KCTD20: variants seen among roughly 807,000 people sequenced by gnomAD.
KCTD20 encodes the protein BTB/POZ domain-containing protein KCTD20.
In KCTD20, 30 loss-of-function variants were observed where a neutral mutation model predicts 39.6. The ratio of observed to expected loss-of-function variants is 0.76; its 90% CI spans 0.57 to 1.03. KCTD20 has a LOEUF of 1.03. Among genes scored for constraint, KCTD20 ranks in the 50% least tolerant of loss-of-function variants. The probability of loss-of-function intolerance (pLI) is 0.00; values close to 1 mark genes in which losing one functional copy is unlikely to be tolerated. For synonymous variants in KCTD20, 162 were observed against 180.6 expected (o/e 0.90, Z 0.83); for missense variants, 422 against 522.0 (o/e 0.81, Z 1.87).
intron 1 of KCTD20, among the ~76,000 whole-genome samples, chr6:36,467,620 G>A (rs1031563749): frequency 6.6e-6 from 1 of 151,818 alleles, no homozygotes; most frequent in Admixed American, 6.6e-5. Context: ...ACAGGTGTGA[G>A]CCACCGTGCC....
intron 1 of KCTD20, among the ~76,000 whole-genome samples, chr6:36,458,128 C>T (rs1489211869): frequency 6.6e-6 from 1 of 152,186 alleles, no homozygotes; most frequent in East Asian, 1.9e-4. Context: ...TCATGGCTCA[C>T]TGCAGTCTCA....
chr6:36,485,920 TAAGA>T (rs1225701444), intron 7 of KCTD20, among the ~76,000 whole-genome samples: 1 of 151,968 alleles, frequency 6.6e-6, no homozygotes, highest in African/African-American at 2.4e-5. Context: ...CTTTTTTTTT[TAAGA>T]GACAGGGTCT....
At chr6:36,472,543 T>A (rs1164058671) in intron 2 of KCTD20, among the ~76,000 whole-genome samples, 5 of 151,956 alleles carry the variant, frequency 3.3e-5, no homozygotes, top group Non-Finnish European at 7.4e-5. Flanking sequence ...TGATAACTTT[T>A]TTTTTTTCAA....
At chr6:36,446,051 A>C (rs1775037812) in intron 1 of KCTD20, among the ~76,000 whole-genome samples, 1 of 86,124 alleles carries the variant, frequency 1.2e-5, no homozygotes, top group Admixed American at 1.5e-4. Context: ...TTTGAGACAG[A>C]GTTTCGCTCT....
chr6:36,448,120 T>G (rs1304288768), intron 1 of KCTD20, among the ~76,000 whole-genome samples: 1 of 151,126 alleles, frequency 6.6e-6, no homozygotes, highest in Non-Finnish European at 1.5e-5. Context: ...TACTAAAATT[T>G]TGGAAGGCAT....
chr6:36,455,683 G>T (rs1444521987), intron 1 of KCTD20, among the ~76,000 whole-genome samples: 1 of 152,108 alleles, frequency 6.6e-6, no homozygotes, highest in African/African-American at 2.4e-5. Context: ...TTGGGGACTA[G>T]CTAGGCAAGT....
rs949207731 is a variant in KCTD20, at chr6:36,487,880, A to T, written c.*705A>T. On this transcript the variant is annotated 3_prime_UTR_variant, in exon 8 of 8. Coordinates refer to ENST00000373731, the MANE Select transcript of KCTD20 (RefSeq NM_173562.5). ...AAGGTTTCGGAGTCTAAACAAATGG[A>T]TGATTCATTTGGAATGAAACTCACA... is the stretch of plus-strand genomic sequence containing the variant. The T allele has an allele frequency of 1.3e-5, 2 of 152,218 alleles. No homozygotes were observed. The highest frequency in any genetic ancestry group is 4.1e-4 in the South Asian group (2 of 4,828). 9.4% of individuals were successfully genotyped at this position (152,218 alleles called of 1,614,324 possible). A position where few individuals can be genotyped will look rare whatever the true frequency, so the allele number is the denominator to read the frequency against.
intron 1 of KCTD20, among the ~76,000 whole-genome samples, chr6:36,462,203 G>C (rs1306633029): frequency 6.6e-6 from 1 of 151,894 alleles, no homozygotes; most frequent in Admixed American, 6.6e-5. Context: ...ACAACCCTTC[G>C]TAGTCTGTTA....
chr6:36,446,702 T>C (rs1199139748), intron 1 of KCTD20, among the ~76,000 whole-genome samples: 1 of 152,216 alleles, frequency 6.6e-6, no homozygotes, highest in African/African-American at 2.4e-5. Context: ...TATTTCTTAA[T>C]GGAAAATGAG....
rs1405196705 is a variant in KCTD20, at chr6:36,486,986, G to A, written c.1071G>A (p.Lys357=). 6.2e-7 allele frequency: 1 copy of A among 1,614,222 alleles called. No homozygotes were observed. ...CCTTCATCCAGATGTCATGGGAAAA[G>A]GAAGAAGGGAAGAGTCGCCATGTGG... The part of the protein sequence containing the change: ...QRPFIQMSWE[K]EEGKSRHVDF... Residue 357 remains lysine (K), a synonymous_variant, in exon 8 of 8, where the codon AAG becomes AAA. Coordinates refer to ENST00000373731, the MANE Select transcript of KCTD20 (RefSeq NM_173562.5).
At chr6:36,460,327 C>T (rs1031436294) in intron 1 of KCTD20, among the ~76,000 whole-genome samples, 3 of 151,256 alleles carry the variant, frequency 2.0e-5, no homozygotes, top group East Asian at 1.9e-4. Flanking sequence ...TTTTTTTTCC[C>T]GAGACTGAGC....
intron 1 of KCTD20, among the ~76,000 whole-genome samples, chr6:36,464,980 C>T (rs1225721213): frequency 6.6e-6 from 1 of 152,100 alleles, no homozygotes; most frequent in Non-Finnish European, 1.5e-5. Context: ...AACAAGGGTA[C>T]TGCCTTTTGA....
In KCTD20 at chr6:36,487,250, T is replaced by G. The variant is rs1776455916; in HGVS notation, c.*75T>G. 6.9e-7 allele frequency: 1 copy of G among 1,450,404 alleles called. No individual in the cohort carries two copies. The highest frequency in any genetic ancestry group is 9.4e-7 in the Non-Finnish European group (1 of 1,061,516). 89.8% of individuals were successfully genotyped at this position (1,450,404 alleles called of 1,614,324 possible). On this transcript the variant is annotated 3_prime_UTR_variant, in exon 8 of 8. Transcript: ENST00000373731. ...CTGCAGCCAGCCCTCCCTCGTGATT[T>G]GTCTCACCTTGAGTAGGAGACATGC...
intron 1 of KCTD20, among the ~76,000 whole-genome samples, chr6:36,445,116 G>T (rs1774998255): frequency 6.6e-6 from 1 of 152,064 alleles, no homozygotes; most frequent in Non-Finnish European, 1.5e-5. Context: ...ACAAAAATAA[G>T]CCAGGCATGG....
In KCTD20 at chr6:36,481,562, G is replaced by T; in HGVS notation, c.659G>T (p.Ser220Ile). 1.2e-6 allele frequency: 2 copies of T among 1,612,996 alleles called. No homozygotes were observed. Among genetic ancestry groups the T allele is most frequent in the Non-Finnish European group, 1.7e-6 (2 of 1,179,026 alleles). ...GTTCACCTACATTTTCTCTCTGCAG[G>T]TGCTTTACTCCATGAACTGTCTAAT... is the stretch of plus-strand genomic sequence containing the variant. Reference protein sequence around the residue: ...DFNTIRCQDLSALLHELSNDG... With the variant: ...DFNTIRCQDLIALLHELSNDG... The change falls in exon 6 of 8, where the codon AGT becomes ATT. Residue 220 changes from serine (S) to isoleucine (I), a missense_variant and splice_region_variant. Physicochemically the swap from Ser to Ile is moderately radical, Grantham distance 142 (BLOSUM62 -2). Coordinates refer to ENST00000373731, the MANE Select transcript of KCTD20 (RefSeq NM_173562.5).
chr6:36,461,013 A>G (rs928281069), intron 1 of KCTD20, among the ~76,000 whole-genome samples: 2 of 152,084 alleles, frequency 1.3e-5, no homozygotes, highest in Non-Finnish European at 2.9e-5. Flanking sequence ...GTATTAAATA[A>G]TATTTATAAA....
At chr6:36,478,880 G>A (rs1255098216) in intron 3 of KCTD20, among the ~76,000 whole-genome samples, 1 of 152,176 alleles carries the variant, frequency 6.6e-6, no homozygotes, top group Non-Finnish European at 1.5e-5. Context: ...GAACTTTGTG[G>A]ACTTGATCCT....
intron 1 of KCTD20, chr6:36,465,625 TC>T (rs1455037344): frequency 3.0e-4 from 45 of 152,122 alleles, no homozygotes; most frequent in Admixed American, 2.9e-3. Flanking sequence ...TAGAGATAAT[TC>T]CACTATCAAA....
chr6:36,449,713 T>C (rs1775180084), intron 1 of KCTD20, among the ~76,000 whole-genome samples: 2 of 152,160 alleles, frequency 1.3e-5, no homozygotes, highest in South Asian at 4.2e-4. Context: ...TCGCCCCATT[T>C]TGAGGACTCC....
Sources: gnomAD v4.1 joint callset for allele counts (sites outside exome capture counted in the v4.1 genomes callset) on GRCh38, gnomAD v4.1.1 for gene constraint, MANE v1.5 for transcripts, NCBI Gene and HGNC (gene_info 2026-07-23, HGNC 2026-07-21) for gene names.